The following KIAA1217 variants were observed in gnomAD, a reference collection of about 807,000 sequenced individuals.
KIAA1217 encodes the protein KIAA1217, also known as sickle tail protein homolog.
Under a neutral mutation model 163.9 loss-of-function variants are expected in KIAA1217, and 88 were observed. The ratio of observed to expected loss-of-function variants is 0.54; its 90% CI spans 0.45 to 0.64. The LOEUF (loss-of-function observed/expected upper bound fraction) is 0.64. KIAA1217 is among the 30% of genes least tolerant of loss of function. KIAA1217 has a pLI of 0.00. For missense variants in KIAA1217, 2,372 were observed against 2,475.0 expected (o/e 0.96, Z 0.88); for synonymous variants, 903 against 923.1 (o/e 0.98, Z 0.39).
intron 3 of KIAA1217, among the ~76,000 whole-genome samples, chr10:24,410,885 C>T (rs552523169): frequency 6.6e-6 from 1 of 152,256 alleles, no homozygotes; most frequent in South Asian, 2.1e-4. Context: ...CCCAAAGTAC[C>T]TAAAATAATC....
At chr10:24,404,118 C>T (rs949736876) in intron 3 of KIAA1217, among the ~76,000 whole-genome samples, 1 of 152,144 alleles carries the variant, frequency 6.6e-6, no homozygotes, top group African/African-American at 2.4e-5. Context: ...CCACCATGCC[C>T]AGCTAATTTT....
chr10:24,540,755 T>C (rs1592804713), intron 17 of KIAA1217, among the ~76,000 whole-genome samples: 2 of 152,134 alleles, frequency 1.3e-5, no homozygotes, highest in South Asian at 4.1e-4. Flanking sequence ...TTTTTTAAAT[T>C]CATTTACATA....
At chr10:24,432,968 A>C (rs370204534) in intron 3 of KIAA1217, 27 bp from the exon 4 acceptor site, 3 of 1,601,388 alleles carry the variant, frequency 1.9e-6, no homozygotes, top group Non-Finnish European at 2.6e-6. Flanking sequence ...TTGACCTGTG[A>C]CTAATAACTG....
intron 1 of KIAA1217, among the ~76,000 whole-genome samples, chr10:23,827,749 C>A (rs950697863): frequency 2.0e-5 from 3 of 152,194 alleles, no homozygotes; most frequent in African/African-American, 7.2e-5. Flanking sequence ...TGCTCACAAG[C>A]CGCCGGTATG....
At chr10:24,363,413 T>C (rs1293069093) in intron 2 of KIAA1217, among the ~76,000 whole-genome samples, 2 of 152,220 alleles carry the variant, frequency 1.3e-5, no homozygotes, top group African/African-American at 4.8e-5. Flanking sequence ...GCCATTTTCT[T>C]ATGATAGCTG....
intron 1 of KIAA1217, among the ~76,000 whole-genome samples, chr10:23,934,621 A>ATTTTTT (rs1417805516): frequency 4.7e-4 from 29 of 61,704 alleles, no homozygotes; most frequent in South Asian, 7.6e-4. Flanking sequence ...ATATATATAT[A>ATTTTTT]TATATTTTTT....
At chr10:24,286,451 TATATAC>T (rs1431478476) in intron 2 of KIAA1217, among the ~76,000 whole-genome samples, 3 of 151,406 alleles carry the variant, frequency 2.0e-5, no homozygotes, top group African/African-American at 7.3e-5. Flanking sequence ...CGCATATATA[TATATAC>T]ACACACACAC....
At chr10:24,105,950 GT>G (rs939211989) in intron 2 of KIAA1217, among the ~76,000 whole-genome samples, 4 of 152,188 alleles carry the variant, frequency 2.6e-5, no homozygotes, top group Non-Finnish European at 5.9e-5. Context: ...TTCCCAGGGC[GT>G]GGGGAGTCAG....
In KIAA1217 at chr10:24,473,255, G is replaced by A. The variant is rs199962486; in HGVS notation, c.874G>A (p.Gly292Arg). The A allele has an allele frequency of 2.2e-5, 33 of 1,517,772 alleles. No homozygotes were observed. The Admixed American group carries it at 4.8e-4, about 22-fold the overall frequency. 94.0% of individuals were successfully genotyped at this position (1,517,772 alleles called of 1,614,324 possible). ...RMQRELVYAR[G>R]DGPGAPRPGS... is the part of the protein sequence containing the mutation. ...GCAGAGAGAACTTGTTTATGCAAGA[G>A]GAGATGGCCCTGGGGCCCCTCGCCC... Residue 292 changes from glycine (G) to arginine (R), a missense_variant, in exon 6 of 21, where the codon GGA (glycine) becomes AGA (arginine). This residue lies in a region of KIAA1217 where 1,431 missense variants were observed against 1,470.3 expected (regional missense o/e 0.97). Coordinates refer to ENST00000376454, the MANE Select transcript of KIAA1217 (RefSeq NM_019590.5).
At chr10:24,009,818 T>C (rs1222258803) in intron 2 of KIAA1217, among the ~76,000 whole-genome samples, 3 of 152,040 alleles carry the variant, frequency 2.0e-5, no homozygotes. Context: ...GCTGCAGGAG[T>C]TGTTGGAACT....
chr10:24,521,042 GTT>G (rs35646554), intron 11 of KIAA1217, among the ~76,000 whole-genome samples: 7 of 111,442 alleles, frequency 6.3e-5, no homozygotes, highest in Admixed American at 1.8e-4. Context: ...AAAAAAAAAA[GTT>G]TTTTTTTTTT....
At chr10:24,135,154 A>G (rs2063786849) in intron 2 of KIAA1217, among the ~76,000 whole-genome samples, 1 of 152,124 alleles carries the variant, frequency 6.6e-6, no homozygotes, top group Admixed American at 6.5e-5. Flanking sequence ...ACATATAATA[A>G]AACAATCCAC....
chr10:23,705,897 G>A (rs972139880), intron 1 of KIAA1217, among the ~76,000 whole-genome samples: 2 of 151,990 alleles, frequency 1.3e-5, no homozygotes, highest in African/African-American at 4.8e-5. Context: ...ACATGAGCAT[G>A]GTATGGCTTT....
At chr10:24,522,009 G>A in intron 12 of KIAA1217, 80 bp downstream of exon 12, 1 of 1,492,486 alleles carries the variant, frequency 6.7e-7, no homozygotes, top group Non-Finnish European at 9.1e-7. Flanking sequence ...TGGGACTTCA[G>A]CCTTCCACCA....
chr10:24,439,273 T>TACAC (rs143903256), intron 5 of KIAA1217, among the ~76,000 whole-genome samples: 2 of 151,058 alleles, frequency 1.3e-5, no homozygotes, highest in Non-Finnish European at 3.0e-5. Flanking sequence ...GTACACCCCC[T>TACAC]ACACACACAC....
intron 3 of KIAA1217, among the ~76,000 whole-genome samples, chr10:24,419,009 T>C (rs547338409): frequency 2.0e-5 from 3 of 151,912 alleles, no homozygotes; most frequent in Admixed American, 1.3e-4. Context: ...AAACCCTGTC[T>C]CTACTAAAAA....
intron 2 of KIAA1217, among the ~76,000 whole-genome samples, chr10:24,016,395 A>G (rs1847480070): frequency 6.6e-6 from 1 of 152,088 alleles, no homozygotes; most frequent in South Asian, 2.1e-4. Context: ...TTGGGCAGAG[A>G]TTATATTCAA....
chr10:24,170,306 AC>A (rs1564784618), intron 2 of KIAA1217, among the ~76,000 whole-genome samples: 1 of 152,122 alleles, frequency 6.6e-6, no homozygotes, highest in African/African-American at 2.4e-5. Flanking sequence ...GGAAGGTGGG[AC>A]TCCCAGGGGA....
At chr10:24,218,893 C>T (rs1264656074) in intron 1 of KIAA1217, among the ~76,000 whole-genome samples, 1 of 152,072 alleles carries the variant, frequency 6.6e-6, no homozygotes, top group Non-Finnish European at 1.5e-5. Context: ...TACTTACGTA[C>T]AGGGTGATAG....
Sources: allele counts gnomAD v4.1 joint callset (sites outside exome capture counted in the v4.1 genomes callset), GRCh38; gene constraint gnomAD v4.1.1; regional missense constraint gnomAD v4.1.1; transcripts MANE v1.5; gene names NCBI Gene and HGNC (gene_info 2026-07-23, HGNC 2026-07-21).